The following PDE8B variants were observed in gnomAD, a reference collection of about 807,000 sequenced individuals.
The protein encoded by PDE8B is high affinity cAMP-specific and IBMX-insensitive 3',5'-cyclic phosphodiesterase 8B.
PDE8B carries 26 observed loss-of-function variants against 101.3 expected under a neutral mutation model. That is an observed-to-expected ratio of 0.26 (90% CI 0.19 to 0.36). The LOEUF (loss-of-function observed/expected upper bound fraction) is 0.36, where lower values mean the gene tolerates loss of function less well. Among genes scored for constraint, PDE8B ranks in the 10% least tolerant of loss-of-function variants. The pLI is 1.00. For synonymous variants in PDE8B, 424 were observed against 429.3 expected (o/e 0.99, Z 0.15); for missense variants, 810 against 1,163.1 (o/e 0.70, Z 4.42).
intron 1 of PDE8B, among the ~76,000 whole-genome samples, chr5:77,300,351 G>A (rs1182472407): frequency 6.6e-6 from 1 of 152,142 alleles, no homozygotes; most frequent in African/African-American, 2.4e-5. Context: ...TGGTCTTTTA[G>A]GACTTACTTA....
At chr5:77,228,514 C>G (rs1240603057) in intron 1 of PDE8B, among the ~76,000 whole-genome samples, 4 of 151,910 alleles carry the variant, frequency 2.6e-5, no homozygotes, top group Non-Finnish European at 5.9e-5. Context: ...TGAGTGTAAC[C>G]CTGAAAGACA....
At chr5:77,175,466 C>T in the PDE8B span, among the ~76,000 whole-genome samples, 5 of 152,220 alleles carry the variant, frequency 3.3e-5, no homozygotes, top group African/African-American at 9.6e-5. Flanking sequence ...TCCCAGCTCC[C>T]TTGGGATGAT....
At chr5:77,128,213 G>C in the PDE8B span, among the ~76,000 whole-genome samples, 7 of 152,142 alleles carry the variant, frequency 4.6e-5, no homozygotes, top group African/African-American at 1.7e-4. Context: ...TCCACCACAG[G>C]TGAGAACCTT....
intron 16 of PDE8B, 84 bp downstream of exon 16, chr5:77,412,319 G>A: frequency 6.9e-7 from 1 of 1,452,082 alleles, no homozygotes. Flanking sequence ...AGGGAGACAT[G>A]TTTTTGCTGT....
At chr5:77,125,078 TC>T in the PDE8B span, among the ~76,000 whole-genome samples, 1 of 152,198 alleles carries the variant, frequency 6.6e-6, no homozygotes, top group African/African-American at 2.4e-5. Flanking sequence ...AGCCTCAAAC[TC>T]CTGGGCTGGC....
intron 1 of PDE8B, chr5:77,291,083 C>T (rs1019701905): frequency 3.1e-6 from 5 of 1,610,618 alleles, no homozygotes; most frequent in Non-Finnish European, 4.2e-6. Flanking sequence ...TTGGAGGAAA[C>T]AGTACCATTA....
chr5:77,250,899 G>A (rs1409432599), intron 1 of PDE8B, among the ~76,000 whole-genome samples: 1 of 152,250 alleles, frequency 6.6e-6, no homozygotes, highest in East Asian at 1.9e-4. Flanking sequence ...TGAACATCAT[G>A]AGATGTATTT....
At chr5:77,129,614 G>A in the PDE8B span, among the ~76,000 whole-genome samples, 1 of 152,220 alleles carries the variant, frequency 6.6e-6, no homozygotes, top group Non-Finnish European at 1.5e-5. Flanking sequence ...GGAGGGAGCA[G>A]TGTCCTCCTG....
chr5:77,133,127 G>T, the PDE8B span, among the ~76,000 whole-genome samples: 732 of 152,286 alleles, frequency 4.8e-3, 11 homozygotes, highest in Non-Finnish European at 3.7e-3. Flanking sequence ...GACTTACTTT[G>T]GCTAGTGGGA....
chr5:77,263,263 A>G (rs1761004296), intron 1 of PDE8B, among the ~76,000 whole-genome samples: 1 of 152,218 alleles, frequency 6.6e-6, no homozygotes, highest in African/African-American at 2.4e-5. Context: ...GTCTTTAATG[A>G]ATTAAGATCA....
chr5:77,350,501 G>A (rs1359029291), intron 8 of PDE8B, among the ~76,000 whole-genome samples: 1 of 152,082 alleles, frequency 6.6e-6, no homozygotes, highest in Non-Finnish European at 1.5e-5. Context: ...TCAGAGAACA[G>A]GAACCAATAC....
intron 5 of PDE8B, among the ~76,000 whole-genome samples, chr5:77,333,278 T>C (rs971418617): frequency 2.0e-5 from 3 of 152,240 alleles, no homozygotes; most frequent in African/African-American, 7.2e-5. Context: ...AGACAATGCT[T>C]CTGAGTTTTT....
chr5:77,270,368 G>T (rs1172349607), intron 1 of PDE8B, among the ~76,000 whole-genome samples: 1 of 152,136 alleles, frequency 6.6e-6, no homozygotes, highest in African/African-American at 2.4e-5. Flanking sequence ...GAAATCTTTA[G>T]GTTTTTCCAA....
rs758621784 is a variant in PDE8B at position 77,331,419 on chromosome 5, A to C, written c.668A>C (p.Glu223Ala). ...TGCTGCAGATCGGATGACCATGAAG[A>C]GGCGTCAGTCCTTCCTCTTCTCCAC... ...VVSRVSDDHE[E>A]ASVLPLLHAG... The change falls in exon 5 of 22, where the codon GAG (glutamate) becomes GCG (alanine). Residue 223 changes from glutamate to alanine, a missense_variant. By Grantham distance (107) the Glu-to-Ala change is moderately radical. Coordinates refer to ENST00000264917, the MANE Select transcript of PDE8B (RefSeq NM_003719.5). The C allele has an allele frequency of 3.1e-6, 5 of 1,613,772 alleles. No homozygotes were observed. Among genetic ancestry groups the C allele is most frequent in the South Asian group, 1.1e-5 (1 of 91,086 alleles).
chr5:77,392,981 C>CA (rs1214255306), intron 10 of PDE8B, among the ~76,000 whole-genome samples: 2 of 151,958 alleles, frequency 1.3e-5, no homozygotes, highest in African/African-American at 2.4e-5. Context: ...ACAACAACAA[C>CA]AAAAAAAGCC....
In PDE8B at chr5:77,211,250, T is replaced by C; in HGVS notation, c.325T>C (p.Tyr109His). ...SSAEAETQTC[Y>H]TSVKQVSSAE... ...CGCCGAGGCCGAGACTCAGACCTGC[T>C]ACACCAGCGTGAAGGTAAATGCCCC... is the stretch of plus-strand genomic sequence containing the variant. Residue 109 changes from tyrosine (Y) to histidine (H), a missense_variant, in exon 1 of 22, where the codon TAC becomes CAC. Transcript: ENST00000264917. The surrounding 1 kb of genome is among the most constrained non-coding windows in gnomAD (Gnocchi z 4.1). 6.4e-7 allele frequency: 1 copy of C among 1,573,920 alleles called. No homozygotes were observed. Among genetic ancestry groups the C allele is most frequent in the Non-Finnish European group, 8.6e-7 (1 of 1,168,330 alleles).
At chr5:77,206,472 G>A (rs983370475), upstream of PDE8B, among the ~76,000 whole-genome samples, 1 of 152,190 alleles carries the variant, frequency 6.6e-6, no homozygotes, top group Non-Finnish European at 1.5e-5. Flanking sequence ...AGTAGGAAAC[G>A]TTTGAGCAGA....
At chr5:77,196,373 C>T in the PDE8B span, among the ~76,000 whole-genome samples, 2 of 152,152 alleles carry the variant, frequency 1.3e-5, no homozygotes, top group East Asian at 1.9e-4. Flanking sequence ...AAATTTGTTC[C>T]TGTGTTTTCT....
At chr5:77,097,804 C>A in the PDE8B span, among the ~76,000 whole-genome samples, 1 of 136,498 alleles carries the variant, frequency 7.3e-6, no homozygotes. Context: ...CATCTTAACC[C>A]ATCACAGGTA....
Sources: gnomAD v4.1 joint callset for allele counts (sites outside exome capture counted in the v4.1 genomes callset) on GRCh38, gnomAD v4.1.1 for gene constraint, Gnocchi (gnomAD v3.1) non-coding constraint, MANE v1.5 for transcripts, NCBI Gene and HGNC (gene_info 2026-07-23, HGNC 2026-07-21) for gene names.